The following FHIT variants were observed in gnomAD, a reference collection of about 807,000 sequenced individuals.
FHIT encodes the protein fragile histidine triad diadenosine triphosphatase, also known as bis(5'-adenosyl)-triphosphatase.
FHIT carries 19 observed loss-of-function variants against 17.9 expected under a neutral mutation model. The observed-to-expected ratio is 1.06, with a 90% CI of 0.74 to 1.56. The LOEUF (loss-of-function observed/expected upper bound fraction) is 1.56. Among genes scored for constraint, FHIT ranks in the 40% most tolerant of loss-of-function variants. FHIT has a pLI of 0.00. For synonymous variants in FHIT, 81 were observed against 69.7 expected (o/e 1.16, Z -0.81); for missense variants, 248 against 189.2 (o/e 1.31, Z -1.82).
At chr3:60,502,479 G>A (rs138342101) in intron 5 of FHIT, among the ~76,000 whole-genome samples, 86 of 152,214 alleles carry the variant, frequency 5.6e-4, no homozygotes, top group Middle Eastern at 6.8e-3. Context: ...CACTTCACTC[G>A]GAAGTTACTT....
intron 3 of FHIT, among the ~76,000 whole-genome samples, chr3:60,939,696 GAA>G (rs376491847): frequency 1.3e-5 from 2 of 151,886 alleles, no homozygotes; most frequent in African/African-American, 4.8e-5. Context: ...TATTATAACC[GAA>G]GACATAAATG....
At chr3:61,204,912 G>T (rs929121940) in intron 1 of FHIT, among the ~76,000 whole-genome samples, 11 of 151,972 alleles carry the variant, frequency 7.2e-5, no homozygotes, top group Non-Finnish European at 1.5e-4. Context: ...CCATGTTGGT[G>T]TGCTGCACCC....
intron 5 of FHIT, chr3:60,536,653 T>C (rs555284805): frequency 2.9e-4 from 137 of 465,912 alleles, no homozygotes; most frequent in Middle Eastern, 5.9e-4. Context: ...TTCTGCAACA[T>C]TGATCAAGCA....
chr3:60,326,265 C>G lies in FHIT; in HGVS notation c.103+210595G>C, dbSNP rs2106828899. ...TATAATGAAATAATTCTACAACTCACCATAATGTAGAATCAATGGGAGTCC... is the reference window on the plus strand; with the variant it reads ...TATAATGAAATAATTCTACAACTCAGCATAATGTAGAATCAATGGGAGTCC... On this transcript the variant is annotated intron_variant, in intron 5 of 9. Coordinates refer to ENST00000492590, the MANE Select transcript of FHIT (RefSeq NM_002012.4). 1.3e-5 allele frequency among the ~76,000 whole-genome samples: 2 copies of G among 152,128 alleles called. 1 individual carries two copies. Among genetic ancestry groups the G allele is most frequent in the Middle Eastern group, 6.8e-3 (2 of 294 alleles).
intron 1 of FHIT, among the ~76,000 whole-genome samples, chr3:61,223,663 C>T (rs535143557): frequency 1.6e-4 from 24 of 152,344 alleles, no homozygotes; most frequent in South Asian, 2.1e-4. Flanking sequence ...TGGCCTTCCA[C>T]ATTTTGCCAG....
intron 5 of FHIT, among the ~76,000 whole-genome samples, chr3:60,359,997 CTT>C (rs1190609181): frequency 1.7e-5 from 2 of 114,810 alleles, no homozygotes; most frequent in Non-Finnish European, 3.6e-5. Context: ...TTTTTTTTTT[CTT>C]TTTTTTTTTT....
chr3:60,275,682 T>A (rs145508826), intron 5 of FHIT, among the ~76,000 whole-genome samples: 26 of 152,216 alleles, frequency 1.7e-4, no homozygotes, highest in African/African-American at 6.3e-4. Flanking sequence ...ACATAATATG[T>A]GATCAATAAA....
chr3:60,362,022 C>G (rs148958266), intron 5 of FHIT, among the ~76,000 whole-genome samples: 2 of 152,156 alleles, frequency 1.3e-5, no homozygotes, highest in African/African-American at 2.4e-5. Flanking sequence ...GTGCACACAT[C>G]TTCTGCCATG....
chr3:60,068,450 C>A (rs1175326815), intron 5 of FHIT, among the ~76,000 whole-genome samples: 1 of 152,158 alleles, frequency 6.6e-6, no homozygotes, highest in Non-Finnish European at 1.5e-5. Context: ...CAGTGCAAAA[C>A]TCCAGACATC....
intron 5 of FHIT, among the ~76,000 whole-genome samples, chr3:60,473,910 G>A (rs920232920): frequency 8.9e-5 from 13 of 146,602 alleles, no homozygotes; most frequent in South Asian, 2.3e-4. Flanking sequence ...GTGACAGAGC[G>A]AGACTCCATT....
At chr3:60,917,263 T>C (rs1001842871) in intron 3 of FHIT, among the ~76,000 whole-genome samples, 6 of 152,230 alleles carry the variant, frequency 3.9e-5, no homozygotes, top group African/African-American at 1.4e-4. Flanking sequence ...AATTTATCCC[T>C]AATCTGTTAC....
chr3:60,192,246 G>A (rs951541699), intron 5 of FHIT, among the ~76,000 whole-genome samples: 2 of 77,958 alleles, frequency 2.6e-5, no homozygotes, highest in African/African-American at 9.4e-5. Flanking sequence ...GCAACACTAT[G>A]TCTCAAAAAA....
rs575024982 is a variant in FHIT, at chr3:60,159,624, T to C, written c.104-145472A>G. Reference sequence around the variant, plus strand: ...GTAACACTCAATGCTTTTTAGCACTTTCCACACACCAGGCATTGCTTTTAT... The same window carrying C: ...GTAACACTCAATGCTTTTTAGCACTCTCCACACACCAGGCATTGCTTTTAT... On this transcript the variant is annotated intron_variant, in intron 5 of 9. Coordinates refer to ENST00000492590, the MANE Select transcript of FHIT (RefSeq NM_002012.4). Among the ~76,000 whole-genome samples the C allele has an allele frequency of 1.2e-3, 186 of 152,312 alleles. 1 individual carries two copies. The highest frequency in any genetic ancestry group is 2.2e-3 in the Non-Finnish European group (153 of 68,028).
At chr3:60,846,581 T>G (rs1385600237) in intron 3 of FHIT, among the ~76,000 whole-genome samples, 1 of 152,182 alleles carries the variant, frequency 6.6e-6, no homozygotes, top group Non-Finnish European at 1.5e-5. Context: ...GAAAATCAGT[T>G]GAGTTAGAAT....
intron 3 of FHIT, among the ~76,000 whole-genome samples, chr3:60,853,465 A>G (rs1337547306): frequency 6.6e-6 from 1 of 152,058 alleles, no homozygotes; most frequent in Non-Finnish European, 1.5e-5. Flanking sequence ...TATGGATCCT[A>G]GCAGATGACC....
intron 4 of FHIT, among the ~76,000 whole-genome samples, chr3:60,578,039 T>C (rs2037628314): frequency 6.6e-6 from 1 of 152,124 alleles, no homozygotes; most frequent in East Asian, 1.9e-4. Flanking sequence ...AGGGATAACA[T>C]GATTAAAAAT....
At chr3:60,499,974 C>G (rs1476071009) in intron 5 of FHIT, among the ~76,000 whole-genome samples, 1 of 152,186 alleles carries the variant, frequency 6.6e-6, no homozygotes, top group Non-Finnish European at 1.5e-5. Flanking sequence ...TGGTAAACCT[C>G]TGCACACAAG....
chr3:59,762,997 C>T (rs1701602274), intron 8 of FHIT, among the ~76,000 whole-genome samples: 1 of 152,136 alleles, frequency 6.6e-6, no homozygotes, highest in Non-Finnish European at 1.5e-5. Context: ...AGCATTTATT[C>T]AAAAAGCAAT....
At position 60,182,802 on chromosome 3, in the gene FHIT, C is replaced by CAATA. The variant is rs553928602; in HGVS notation, c.104-168654_104-168651dup. ...TGTCTTGATCAATCAATCAATCAAT[C>CAATA]AATACTTGTCCAAATGAGTTGTTAG... On this transcript the variant is annotated intron_variant, in intron 5 of 9. Coordinates refer to ENST00000492590, the MANE Select transcript of FHIT (RefSeq NM_002012.4). Among the ~76,000 whole-genome samples the CAATA allele has an allele frequency of 3.2e-4, 48 of 151,560 alleles. No individual in the cohort carries two copies. The East Asian group carries it at 8.8e-3, about 28-fold the overall frequency.
Sources: gnomAD v4.1 joint callset for allele counts (sites outside exome capture counted in the v4.1 genomes callset) on GRCh38, gnomAD v4.1.1 for gene constraint, MANE v1.5 for transcripts, NCBI Gene and HGNC (gene_info 2026-07-23, HGNC 2026-07-21) for gene names.